Variants in CNBD1 observed in about 807,000 individuals in gnomAD.
The protein encoded by CNBD1 is cyclic nucleotide binding domain containing 1.
Under a neutral mutation model 54.4 loss-of-function variants are expected in CNBD1, and 71 were observed. That is an observed-to-expected ratio of 1.30 (90% CI 1.08 to 1.59). The LOEUF (loss-of-function observed/expected upper bound fraction) is 1.59. CNBD1 is among the 40% of genes most tolerant of loss of function. CNBD1 has a pLI of 0.00. For missense variants in CNBD1, 659 were observed against 518.0 expected (o/e 1.27, Z -2.64); for synonymous variants, 182 against 170.7 (o/e 1.07, Z -0.51).
At chr8:87,384,104 A>T (rs1472101611), downstream of CNBD1, among the ~76,000 whole-genome samples, 1 of 152,110 alleles carries the variant, frequency 6.6e-6, no homozygotes, top group Non-Finnish European at 1.5e-5. Flanking sequence ...TAGTGAACAT[A>T]CTGATTGAAT....
At chr8:87,195,046 A>G (rs565006562) in intron 4 of CNBD1, among the ~76,000 whole-genome samples, 3 of 150,556 alleles carry the variant, frequency 2.0e-5, no homozygotes, top group Non-Finnish European at 4.4e-5. Context: ...ACCACACCCA[A>G]CTAATTTTTT....
chr8:87,278,588 A>T (rs1179269973), intron 6 of CNBD1, among the ~76,000 whole-genome samples: 1 of 151,594 alleles, frequency 6.6e-6, no homozygotes, highest in Non-Finnish European at 1.5e-5. Context: ...TGAAGGCAAA[A>T]TAACGTTGTA....
intron 4 of CNBD1, among the ~76,000 whole-genome samples, chr8:87,172,378 T>G (rs184928517): frequency 6.6e-6 from 1 of 152,242 alleles, no homozygotes; most frequent in African/African-American, 2.4e-5. Flanking sequence ...AAATATCTAC[T>G]GGGTCTCTTT....
intron 4 of CNBD1, among the ~76,000 whole-genome samples, chr8:87,066,743 A>G (rs1245383622): frequency 2.0e-5 from 3 of 151,978 alleles, no homozygotes; most frequent in Non-Finnish European, 2.9e-5. Context: ...AATTGCTTCA[A>G]TTAGAATATA....
intron 3 of CNBD1, among the ~76,000 whole-genome samples, chr8:86,928,743 A>G (rs10955115): frequency 0.53 from 80,984 of 151,986 alleles, 21,812 homozygotes; most frequent in South Asian, 0.6. Context: ...CTTATGAGGG[A>G]CCAAGGGATT....
intron 8 of CNBD1, among the ~76,000 whole-genome samples, chr8:87,316,924 T>A (rs2130895549): frequency 6.6e-6 from 1 of 151,904 alleles, no homozygotes; most frequent in East Asian, 1.9e-4. Context: ...CATTTTAGAA[T>A]GTGACTTAAG....
chr8:87,338,759 G>A (rs746791168), intron 8 of CNBD1, among the ~76,000 whole-genome samples: 6 of 151,594 alleles, frequency 4.0e-5, no homozygotes, highest in African/African-American at 7.3e-5. Flanking sequence ...GATCTTTGAC[G>A]TTCATTTGAA....
chr8:86,911,911 G>A (rs1809105644), intron 3 of CNBD1, among the ~76,000 whole-genome samples: 1 of 151,932 alleles, frequency 6.6e-6, no homozygotes, highest in Non-Finnish European at 1.5e-5. Flanking sequence ...AACCAAAGAA[G>A]TTAAAGATCT....
At chr8:87,353,873 T>C (rs989197853) in intron 10 of CNBD1, 87 bp downstream of exon 10, 5 of 905,390 alleles carry the variant, frequency 5.5e-6, no homozygotes, top group Non-Finnish European at 8.2e-6. Context: ...ATTAATCAGA[T>C]GCATATTTAT....
chr8:87,270,412 G>A (rs745554946), intron 6 of CNBD1, among the ~76,000 whole-genome samples: 1 of 151,888 alleles, frequency 6.6e-6, no homozygotes, highest in Non-Finnish European at 1.5e-5. Flanking sequence ...ACCACAATGA[G>A]ATACCATCTC....
intron 8 of CNBD1, among the ~76,000 whole-genome samples, chr8:87,289,910 C>T (rs1412107868): frequency 6.6e-6 from 1 of 152,092 alleles, no homozygotes; most frequent in Non-Finnish European, 1.5e-5. Flanking sequence ...GATTCAAGTA[C>T]CTGTGATGGT....
intron 5 of CNBD1, among the ~76,000 whole-genome samples, chr8:87,226,074 A>C (rs1428095124): frequency 6.6e-6 from 1 of 151,888 alleles, no homozygotes; most frequent in African/African-American, 2.4e-5. Context: ...TTTCTGTGGG[A>C]TCGGTGGTGA....
chr8:87,070,261 C>T (rs181876616), intron 4 of CNBD1, among the ~76,000 whole-genome samples: 8 of 152,148 alleles, frequency 5.3e-5, no homozygotes, highest in Admixed American at 2.0e-4. Context: ...AGTCCTACCC[C>T]GCATATATCT....
At chr8:87,365,658 A>G (rs1031586611) in intron 10 of CNBD1, among the ~76,000 whole-genome samples, 1 of 152,082 alleles carries the variant, frequency 6.6e-6, no homozygotes, top group Non-Finnish European at 1.5e-5. Flanking sequence ...ATTGGTAACA[A>G]TAATCTCACA....
intron 2 of CNBD1, among the ~76,000 whole-genome samples, chr8:87,407,154 T>G (rs531640970): frequency 1.1e-4 from 16 of 152,236 alleles, no homozygotes; most frequent in Non-Finnish European, 1.9e-4. Context: ...TTAACCTCTT[T>G]CAGTTACTTA....
intron 4 of CNBD1, among the ~76,000 whole-genome samples, chr8:87,077,424 T>A (rs1810895900): frequency 6.6e-6 from 1 of 151,146 alleles, no homozygotes; most frequent in Non-Finnish European, 1.5e-5. Flanking sequence ...TTTTTTTTTT[T>A]TTTTTTATTA....
intron 4 of CNBD1, among the ~76,000 whole-genome samples, chr8:87,106,715 TC>T (rs1190717997): frequency 1.3e-5 from 2 of 152,204 alleles, no homozygotes; most frequent in African/African-American, 4.8e-5. Flanking sequence ...AACTATGTTT[TC>T]CCCAACCTCA....
chr8:86,998,347 G>A (rs764571222), intron 4 of CNBD1, among the ~76,000 whole-genome samples: 30 of 152,052 alleles, frequency 2.0e-4, no homozygotes, highest in African/African-American at 6.5e-4. Flanking sequence ...TTGTGCTGAG[G>A]AACACTAGGT....
At chr8:87,070,892 C>T (rs1438250506) in intron 4 of CNBD1, among the ~76,000 whole-genome samples, 1 of 152,028 alleles carries the variant, frequency 6.6e-6, no homozygotes, top group Admixed American at 6.6e-5. Context: ...AGGAAGAGCA[C>T]ATCCCTAGTT....
Sources: gnomAD v4.1 joint callset for allele counts (sites outside exome capture counted in the v4.1 genomes callset) on GRCh38, gnomAD v4.1.1 for gene constraint, MANE v1.5 for transcripts, NCBI Gene and HGNC (gene_info 2026-07-23, HGNC 2026-07-21) for gene names.